GALNT18: variants seen among roughly 807,000 people sequenced by gnomAD.
GALNT18 encodes GalNAc-transferase 18.
GALNT18 carries 44 observed loss-of-function variants against 69.5 expected under a neutral mutation model. The observed-to-expected ratio is 0.63, with a 90% CI of 0.50 to 0.81. The LOEUF (loss-of-function observed/expected upper bound fraction) is 0.81, where lower values mean the gene tolerates loss of function less well. Ranked by LOEUF, GALNT18 falls within the 40% of genes least tolerant of loss-of-function variation. The pLI is 0.00. For missense variants in GALNT18, 715 were observed against 810.0 expected, an observed-to-expected ratio of 0.88 and a Z score of 1.42; for synonymous variants, 364 against 318.2, an observed-to-expected ratio of 1.14 and a Z score of -1.53.
chr11:11,363,375 G>A (rs941346485), intron 6 of GALNT18, among the ~76,000 whole-genome samples: 12 of 152,186 alleles, frequency 7.9e-5, no homozygotes, highest in Admixed American at 5.9e-4. Context: ...CTAGATAAGT[G>A]TGGATAATAG....
intron 2 of GALNT18, among the ~76,000 whole-genome samples, chr11:11,440,148 A>G (rs1590003554): frequency 6.6e-6 from 1 of 152,226 alleles, no homozygotes; most frequent in Non-Finnish European, 1.5e-5. Context: ...TTTCAGGTGA[A>G]TTTATCAATT....
In GALNT18 at chr11:11,617,983, A is replaced by C. The variant is rs887122032; in HGVS notation, c.235+3376T>G. 2.0e-5 allele frequency among the ~76,000 whole-genome samples: 3 copies of C among 152,210 alleles called. No homozygotes were observed. The highest frequency in any genetic ancestry group is 6.5e-5 in the Admixed American group (1 of 15,284). On this transcript the variant is annotated intron_variant, in intron 1 of 10. Transcript: ENST00000227756. The surrounding 1 kb of genome is among the most constrained non-coding windows in gnomAD (Gnocchi z 4.7). The stretch of plus-strand genomic sequence containing the variant: ...TCATTTAACGTCTATTTGGTCAAAA[A>C]ACTTCCCAAAACTGCAATTTACATT...
chr11:11,578,564 GTTGA>G (rs1314957710), intron 1 of GALNT18, among the ~76,000 whole-genome samples: 4 of 152,132 alleles, frequency 2.6e-5, no homozygotes, highest in Admixed American at 6.5e-5. Flanking sequence ...CCTTCACCAG[GTTGA>G]ATGTATTGCT....
Position 11,287,890 on chromosome 11 carries a change from C to T in GALNT18, c.1677+5139G>A, listed in dbSNP as rs113933121. ...TCCTGTATTGAGAACCACTCCACTG[C>T]CCGACTACCATCATCTAATCCATCA... On this transcript the variant is annotated intron_variant, in intron 10 of 10. Coordinates refer to ENST00000227756, the MANE Select transcript of GALNT18 (RefSeq NM_198516.3). 3.1e-3 allele frequency among the ~76,000 whole-genome samples: 465 copies of T among 152,286 alleles called. 3 individuals carry two copies. The highest frequency in any genetic ancestry group is 0.01 in the Middle Eastern group (3 of 294).
At position 11,404,472 on chromosome 11, in the gene GALNT18, G is replaced by A. The variant is rs1311909087; in HGVS notation, c.596-25208C>T. Among the ~76,000 whole-genome samples, 2 of 152,168 alleles carry A rather than the reference G, an allele frequency of 1.3e-5. No homozygotes were observed. The highest frequency in any genetic ancestry group is 1.9e-4 in the East Asian group (1 of 5,182). ...CAAAGGCTGATGTAAGCCCTGGCCCGGAAGGAGTTAAGGATCAAACGGCGC... is the reference window on the plus strand; with the variant it reads ...CAAAGGCTGATGTAAGCCCTGGCCCAGAAGGAGTTAAGGATCAAACGGCGC... On this transcript the variant is annotated intron_variant, in intron 3 of 10. Transcript: ENST00000227756. The surrounding 1 kb of genome is among the most constrained non-coding windows in gnomAD (Gnocchi z 4.5).
At chr11:11,594,194 C>A (rs1297899932) in intron 1 of GALNT18, among the ~76,000 whole-genome samples, 1 of 152,222 alleles carries the variant, frequency 6.6e-6, no homozygotes, top group Non-Finnish European at 1.5e-5. Flanking sequence ...CCAGAGGGAC[C>A]TCATTCCAGA....
At chr11:11,506,487 C>T (rs1361180866) in intron 1 of GALNT18, among the ~76,000 whole-genome samples, 1 of 152,166 alleles carries the variant, frequency 6.6e-6, no homozygotes, top group African/African-American at 2.4e-5. Context: ...GTGGTTCAAG[C>T]GTTTCGTGTG....
At chr11:11,579,000 A>G (rs1286120200) in intron 1 of GALNT18, among the ~76,000 whole-genome samples, 2 of 152,312 alleles carry the variant, frequency 1.3e-5, no homozygotes, top group East Asian at 3.9e-4. Context: ...GGAAGGAAGG[A>G]AAGAAGGAAG....
At chr11:11,349,293 G>C (rs1368379621) in intron 6 of GALNT18, among the ~76,000 whole-genome samples, 5 of 152,146 alleles carry the variant, frequency 3.3e-5, no homozygotes, top group Non-Finnish European at 7.3e-5. Flanking sequence ...AGAGTGGGCA[G>C]GCCTCCATGT....
intron 10 of GALNT18, among the ~76,000 whole-genome samples, chr11:11,280,089 G>A (rs966117224): frequency 1.3e-5 from 2 of 152,208 alleles, no homozygotes; most frequent in East Asian, 1.9e-4. Flanking sequence ...CTATTCAGAA[G>A]CATTCACACA....
chr11:11,291,509 C>A (rs942303554), intron 10 of GALNT18, among the ~76,000 whole-genome samples: 3 of 152,236 alleles, frequency 2.0e-5, no homozygotes, highest in African/African-American at 7.2e-5. Context: ...GCTGTTATTC[C>A]TATTGGGATA....
rs544590715 is a variant in GALNT18 at position 11,541,361 on chromosome 11, T to A, written c.235+79998A>T. Among the ~76,000 whole-genome samples, 75 of 152,268 alleles carry A rather than the reference T, an allele frequency of 4.9e-4. No homozygotes were observed. The highest frequency in any genetic ancestry group is 1.0e-3 in the Admixed American group (16 of 15,296). ...TCCACCTAGATCACCACCGTTATGA[T>A]GATGATCTCCGCCTTCAGTACCTCT... On this transcript the variant is annotated intron_variant, in intron 1 of 10. Transcript: ENST00000227756. This position sits in a 1 kb window ranked among gnomAD's most constrained non-coding sequence, Gnocchi z 4.8.
chr11:11,298,786 A>T (rs1849443649), intron 9 of GALNT18, among the ~76,000 whole-genome samples: 1 of 152,224 alleles, frequency 6.6e-6, no homozygotes, highest in African/African-American at 2.4e-5. Flanking sequence ...TTTTCTTTGA[A>T]CAACAGGTTA....
intron 3 of GALNT18, among the ~76,000 whole-genome samples, chr11:11,385,899 T>A (rs1403453800): frequency 6.6e-6 from 1 of 152,034 alleles, no homozygotes; most frequent in African/African-American, 2.4e-5. Flanking sequence ...CCAGTATGAC[T>A]GGTATTCTTA....
chr11:11,486,772 G>A (rs1856654321), intron 1 of GALNT18, among the ~76,000 whole-genome samples: 1 of 152,208 alleles, frequency 6.6e-6, no homozygotes, highest in Non-Finnish European at 1.5e-5. Flanking sequence ...TAGTGAAAAA[G>A]ACCAGTCCCG....
rs1050604432 is a variant in GALNT18, at chr11:11,314,271, C to T, written c.1512+12815G>A. ...CTAATGACTGCTTCTCCCCAGCCTG[C>T]AGGAGTTTAATAAAAGTCATGCAAA... is the stretch of plus-strand genomic sequence containing the variant. On this transcript the variant is annotated intron_variant, in intron 9 of 10. Transcript: ENST00000227756. This position sits in a 1 kb window ranked among gnomAD's most constrained non-coding sequence, Gnocchi z 5.2. 5.9e-5 allele frequency among the ~76,000 whole-genome samples: 9 copies of T among 152,110 alleles called. No homozygotes were observed. Among genetic ancestry groups the T allele is most frequent in the Non-Finnish European group, 1.5e-5 (1 of 68,022 alleles).
At chr11:11,443,317 C>T (rs561270484) in intron 2 of GALNT18, among the ~76,000 whole-genome samples, 24 of 152,282 alleles carry the variant, frequency 1.6e-4, no homozygotes, top group African/African-American at 3.8e-4. Flanking sequence ...TACCTCTCCA[C>T]CCCTTGGGCA....
intron 1 of GALNT18, among the ~76,000 whole-genome samples, chr11:11,478,792 C>A (rs913102090): frequency 1.5e-4 from 23 of 151,890 alleles, no homozygotes; most frequent in African/African-American, 5.3e-4. Context: ...CTCCTGCAAG[C>A]CGCGTTTCTC....
intron 6 of GALNT18, among the ~76,000 whole-genome samples, chr11:11,370,658 T>G (rs1314812876): frequency 6.6e-6 from 1 of 151,476 alleles, no homozygotes; most frequent in Non-Finnish European, 1.5e-5. Flanking sequence ...CCCAGAGACA[T>G]TTTAACTTGC....
Sources: allele counts gnomAD v4.1 joint callset (sites outside exome capture counted in the v4.1 genomes callset), GRCh38; gene constraint gnomAD v4.1.1; non-coding constraint Gnocchi (gnomAD v3.1); transcripts MANE v1.5; gene names NCBI Gene and HGNC (gene_info 2026-07-23, HGNC 2026-07-21).